Variants in XG observed in about 807,000 individuals in gnomAD.
The protein encoded by XG is glycoprotein Xg.
Under a neutral mutation model 25.7 loss-of-function variants are expected in XG, and 24 were observed. The observed-to-expected ratio is 0.93, with a 90% CI of 0.68 to 1.31. The LOEUF (loss-of-function observed/expected upper bound fraction) is 1.31, where lower values mean the gene tolerates loss of function less well. Ranked by LOEUF, XG falls within the 40% of genes most tolerant of loss-of-function variation. XG has a pLI of 0.00. For synonymous variants in XG, 77 were observed against 69.2 expected (o/e 1.11, Z -0.56); for missense variants, 181 against 187.6 (o/e 0.96, Z 0.21).
chrX:2,807,562 G>A (rs1348923921), intron 8 of XG, among the ~76,000 whole-genome samples: 1 of 111,653 alleles, frequency 9.0e-6, no homozygotes, highest in Admixed American at 9.4e-5. Context: ...ATGTTTAGGC[G>A]AATTGTGCTT....
chrX:2,774,659 C>T, intron 2 of XG, 57 bp from the exon 3 acceptor site: 2 of 1,605,784 alleles, frequency 1.2e-6, no homozygotes, highest in Non-Finnish European at 1.7e-6. Flanking sequence ...GGCCTTTCTT[C>T]ATGCTTCCAA....
At chrX:2,792,003 C>T (rs1214996777) in intron 5 of XG, among the ~76,000 whole-genome samples, 1 of 110,560 alleles carries the variant, frequency 9.0e-6, no homozygotes, top group East Asian at 2.8e-4. Context: ...GTTTTAGAGG[C>T]CAGGCGTGGT....
chrX:2,774,890 G>A (rs2050941466), intron 3 of XG, 151 bp downstream of exon 3: 2 of 1,012,536 alleles, frequency 2.0e-6, no homozygotes, highest in East Asian at 2.4e-5. Context: ...GCAAAATGTG[G>A]TGATTAGGGA....
At chrX:2,808,773 G>A (rs770436841) in intron 9 of XG, among the ~76,000 whole-genome samples, 15 of 111,324 alleles carry the variant, frequency 1.3e-4, no homozygotes, top group Admixed American at 3.8e-4. Flanking sequence ...GAGAGTAAAC[G>A]CACTCAACCC....
chrX:2,797,603 C>T (rs1380694033), intron 7 of XG, among the ~76,000 whole-genome samples: 1 of 110,540 alleles, frequency 9.0e-6, no homozygotes, highest in Non-Finnish European at 1.9e-5. Context: ...CACACACACA[C>T]ACACACCCCT....
At chrX:2,773,064 G>C (rs181513270) in intron 2 of XG, among the ~76,000 whole-genome samples, 334 of 142,516 alleles carry the variant, frequency 2.3e-3, no homozygotes, top group African/African-American at 8.1e-3. Flanking sequence ...GAGAAAGGAA[G>C]GATGGGAGAG....
At chrX:2,792,111 C>T (rs2086842610) in intron 5 of XG, among the ~76,000 whole-genome samples, 1 of 110,581 alleles carries the variant, frequency 9.0e-6, no homozygotes, top group South Asian at 3.9e-4. Flanking sequence ...GGTGAAACCC[C>T]ATCTCCATTA....
chrX:2,809,349 T>C (rs1386388549), intron 9 of XG, among the ~76,000 whole-genome samples: 1 of 111,465 alleles, frequency 9.0e-6, no homozygotes, highest in Admixed American at 9.5e-5. Flanking sequence ...CCTGTTGATA[T>C]GTAGGTGAAG....
intron 7 of XG, among the ~76,000 whole-genome samples, chrX:2,801,750 C>T (rs1405203832): frequency 9.0e-6 from 1 of 110,828 alleles, no homozygotes; most frequent in Non-Finnish European, 1.9e-5. Flanking sequence ...GCTCTGTCGC[C>T]CAGGCTGGAG....
chrX:2,755,677 G>A (rs185295570), intron 1 of XG, among the ~76,000 whole-genome samples: 1 of 152,280 alleles, frequency 6.6e-6, no homozygotes, highest in East Asian at 1.9e-4. Flanking sequence ...GAGGTTACAG[G>A]AGGGACTGGA....
At chrX:2,771,228 A>G (rs889951159) in intron 2 of XG, among the ~76,000 whole-genome samples, 72 of 149,240 alleles carry the variant, frequency 4.8e-4, no homozygotes, top group Non-Finnish European at 8.6e-4. Context: ...ATGGCCTCCA[A>G]TCTCCCCAGT....
intron 1 of XG, among the ~76,000 whole-genome samples, chrX:2,754,688 G>A (rs2050398448): frequency 6.6e-6 from 1 of 152,206 alleles, no homozygotes; most frequent in Admixed American, 6.5e-5. Flanking sequence ...AGAACTTGGA[G>A]TCTGATGTTC....
At chrX:2,795,584 C>T (rs1253995219) in intron 6 of XG, among the ~76,000 whole-genome samples, 2 of 109,971 alleles carry the variant, frequency 1.8e-5, no homozygotes, top group African/African-American at 6.6e-5. Context: ...GTACACACAA[C>T]TTTATATATA....
chrX:2,804,955 C>T lies in XG; in HGVS notation c.374-1746C>T, dbSNP rs763559816. 3.6e-5 allele frequency among the ~76,000 whole-genome samples: 4 copies of T among 112,506 alleles called. No homozygotes were observed. In the South Asian group the frequency reaches 1.5e-3, roughly 41 times the overall value. On this transcript the variant is annotated intron_variant, in intron 7 of 10. Coordinates refer to ENST00000644266, the MANE Select transcript of XG (RefSeq NM_001141919.2). ...GCACAGCCCAGTTTTGGGAGCATGA[C>T]GCTTGTTTTCGAGGATGCCTGTGCT...
chrX:2,799,691 G>A (rs1243567106), intron 7 of XG, among the ~76,000 whole-genome samples: 1 of 111,158 alleles, frequency 9.0e-6, no homozygotes, highest in East Asian at 2.8e-4. Flanking sequence ...TTTTCCTTGT[G>A]GGCAAAATAT....
At chrX:2,772,681 C>T (rs2050845308) in intron 2 of XG, among the ~76,000 whole-genome samples, 2 of 152,192 alleles carry the variant, frequency 1.3e-5, no homozygotes, top group African/African-American at 2.4e-5. Context: ...TTGAATTGCA[C>T]ACTTTAAAAT....
chrX:2,788,784 G>A (rs1424122567), intron 4 of XG, among the ~76,000 whole-genome samples: 1 of 110,333 alleles, frequency 9.1e-6, no homozygotes, highest in Non-Finnish European at 1.9e-5. Flanking sequence ...GAACCCAGGA[G>A]GCAGAGGTTG....
intron 10 of XG, 129 bp downstream of exon 10, chrX:2,811,581 T>C: frequency 2.2e-6 from 1 of 458,292 alleles, no homozygotes; most frequent in Non-Finnish European, 3.6e-6. Context: ...TGCCTAATAA[T>C]GTGATTTTTT....
chrX:2,807,038 G>T (rs996050380), intron 8 of XG, among the ~76,000 whole-genome samples: 12 of 112,933 alleles, frequency 1.1e-4, no homozygotes, highest in African/African-American at 3.2e-5. Flanking sequence ...GTATGCTTGT[G>T]TGTATTGTGT....
Sources: allele counts gnomAD v4.1 joint callset (sites outside exome capture counted in the v4.1 genomes callset), GRCh38; gene constraint gnomAD v4.1.1; transcripts MANE v1.5; gene names NCBI Gene and HGNC (gene_info 2026-07-23, HGNC 2026-07-21).